The following RBPJ variants were observed in gnomAD, a reference collection of about 807,000 sequenced individuals.
RBPJ encodes recombining binding protein suppressor of hairless.
A neutral mutation model predicts 67.8 loss-of-function variants in RBPJ; 9 were observed. That is an observed-to-expected ratio of 0.13 (90% CI 0.08 to 0.23). RBPJ has a LOEUF of 0.23. RBPJ is among the 10% of genes least tolerant of loss of function. RBPJ has a pLI of 1.00. For synonymous variants in RBPJ, 198 were observed against 203.3 expected (o/e 0.97, Z 0.22); for missense variants, 305 against 595.6 (o/e 0.51, Z 5.08).
the RBPJ span, among the ~76,000 whole-genome samples, chr4:26,117,580 T>C: frequency 2.0e-5 from 3 of 152,172 alleles, no homozygotes; most frequent in Non-Finnish European, 1.5e-5. Flanking sequence ...TCATGGACTT[T>C]ACTGTCTATT....
upstream of RBPJ, among the ~76,000 whole-genome samples, chr4:26,318,019 C>A (rs1722714197): frequency 6.6e-6 from 1 of 152,140 alleles, no homozygotes; most frequent in Non-Finnish European, 1.5e-5. Flanking sequence ...TTGTCCTCCT[C>A]CTGAGCTATC....
intron 1 of RBPJ, among the ~76,000 whole-genome samples, chr4:26,261,770 T>C (rs977726316): frequency 1.3e-5 from 2 of 152,208 alleles, no homozygotes; most frequent in Non-Finnish European, 2.9e-5. Context: ...TCACAATACT[T>C]TGAGTCAGAA....
chr4:26,313,463 C>T (rs563026796), intron 1 of RBPJ, among the ~76,000 whole-genome samples: 8 of 151,982 alleles, frequency 5.3e-5, no homozygotes, highest in South Asian at 4.2e-4. Context: ...GTCAGGAGAT[C>T]GAGACCATTC....
intron 1 of RBPJ, among the ~76,000 whole-genome samples, chr4:26,361,048 A>AGAGTGTGT (rs1553870955): frequency 6.8e-6 from 1 of 147,346 alleles, no homozygotes; most frequent in Non-Finnish European, 1.5e-5. Context: ...TTCAGGAGTG[A>AGAGTGTGT]GTGTGTGTGC....
chr4:26,407,536 G>A (rs1733558244), intron 3 of RBPJ, among the ~76,000 whole-genome samples: 1 of 152,088 alleles, frequency 6.6e-6, no homozygotes, highest in African/African-American at 2.4e-5. Flanking sequence ...TTGGTTCCTG[G>A]AATTTTCTTT....
the RBPJ span, among the ~76,000 whole-genome samples, chr4:26,111,066 T>C: frequency 3.9e-5 from 6 of 152,296 alleles, no homozygotes; most frequent in African/African-American, 1.4e-4. Context: ...TTGAGCCAGC[T>C]CCCTTTGAGG....
intron 1 of RBPJ, among the ~76,000 whole-genome samples, chr4:26,188,757 AGT>A (rs2109137968): frequency 6.6e-6 from 1 of 151,534 alleles, no homozygotes; most frequent in African/African-American, 2.4e-5. Flanking sequence ...AATTTAAGTA[AGT>A]GTCTTAATAT....
At chr4:26,327,305 A>G (rs989756587) in intron 1 of RBPJ, among the ~76,000 whole-genome samples, 1 of 152,156 alleles carries the variant, frequency 6.6e-6, no homozygotes, top group Non-Finnish European at 1.5e-5. Flanking sequence ...CCGTATAGAT[A>G]TTTGTGTAAT....
At chr4:26,341,107 G>A (rs1308607018) in intron 1 of RBPJ, among the ~76,000 whole-genome samples, 1 of 152,184 alleles carries the variant, frequency 6.6e-6, no homozygotes, top group African/African-American at 2.4e-5. Context: ...ATCAAGATCT[G>A]TGTTGGTGGC....
chr4:26,259,270 C>A (rs1720450500), intron 1 of RBPJ, among the ~76,000 whole-genome samples: 1 of 152,162 alleles, frequency 6.6e-6, no homozygotes, highest in East Asian at 1.9e-4. Context: ...TCTGATGAAG[C>A]TTTCCTGGGC....
At chr4:26,149,216 G>A in the RBPJ span, among the ~76,000 whole-genome samples, 3 of 152,314 alleles carry the variant, frequency 2.0e-5, no homozygotes, top group Non-Finnish European at 4.4e-5. Flanking sequence ...GAATTAGGGA[G>A]TTAGAATCTC....
At chr4:26,259,422 G>A (rs1014654169) in intron 1 of RBPJ, among the ~76,000 whole-genome samples, 12 of 152,172 alleles carry the variant, frequency 7.9e-5, no homozygotes, top group African/African-American at 2.9e-4. Context: ...CTTTGCTCTT[G>A]ATTAGTCTGC....
chr4:26,309,973 T>C (rs1722377342), intron 1 of RBPJ, among the ~76,000 whole-genome samples: 1 of 152,216 alleles, frequency 6.6e-6, no homozygotes. Context: ...CCATTCACGT[T>C]CCACATCACT....
At chr4:26,420,370 T>C (rs1577662384) in intron 4 of RBPJ, among the ~76,000 whole-genome samples, 181 bp from the exon 5 acceptor site, 1 of 152,204 alleles carries the variant, frequency 6.6e-6, no homozygotes, top group South Asian at 2.1e-4. Flanking sequence ...TAAGGAAGAC[T>C]TTGTACTTTT....
chr4:26,423,497 A>T (rs1319759062), intron 5 of RBPJ, among the ~76,000 whole-genome samples: 1 of 152,168 alleles, frequency 6.6e-6, no homozygotes, highest in Non-Finnish European at 1.5e-5. Flanking sequence ...TAGAATGGTG[A>T]TCAGATTTAA....
At chr4:26,177,445 T>C (rs1716833950) in intron 1 of RBPJ, among the ~76,000 whole-genome samples, 1 of 152,072 alleles carries the variant, frequency 6.6e-6, no homozygotes, top group African/African-American at 2.4e-5. Flanking sequence ...GGCCTAGTGT[T>C]GTGCACCTGT....
chr4:26,397,827 G>T (rs935544351), intron 2 of RBPJ, among the ~76,000 whole-genome samples: 1 of 152,168 alleles, frequency 6.6e-6, no homozygotes. Context: ...TAGAGACAGG[G>T]TTTCACTGTG....
chr4:26,279,785 CTTTTT>C lies in RBPJ; in HGVS notation c.-166-82645_-166-82641del, dbSNP rs1026614295. 3.4e-5 allele frequency among the ~76,000 whole-genome samples: 4 copies of C among 116,658 alleles called. No homozygotes were observed. The East Asian group carries it at 1.0e-3, about 30-fold the overall frequency. 76.5% of individuals were successfully genotyped at this position (116,658 alleles called of 152,430 possible). ...TTTTTGTGAGTGAAGTTGAAATTGT[CTTTTT>C]TTTTTTTTTTTTTTTGAAACAAGGT... On this transcript the variant is annotated intron_variant, in intron 1 of 4. Coordinates refer to the RBPJ transcript ENST00000512351.
chr4:26,179,085 G>A (rs1393004739), intron 1 of RBPJ, among the ~76,000 whole-genome samples: 2 of 152,032 alleles, frequency 1.3e-5, no homozygotes, highest in African/African-American at 2.4e-5. Flanking sequence ...GCACCCTGTG[G>A]TGCCTAGAAG....
Sources: gnomAD v4.1 joint callset for allele counts (sites outside exome capture counted in the v4.1 genomes callset) on GRCh38, gnomAD v4.1.1 for gene constraint, MANE v1.5 for transcripts, NCBI Gene and HGNC (gene_info 2026-07-23, HGNC 2026-07-21) for gene names.